ZBTB20: variants seen among roughly 807,000 people sequenced by gnomAD.
ZBTB20 encodes the protein zinc finger and BTB domain containing 20.
ZBTB20 carries 9 observed loss-of-function variants against 56.9 expected under a neutral mutation model. The observed-to-expected ratio is 0.16, with a 90% CI of 0.10 to 0.28. ZBTB20 has a LOEUF of 0.28. ZBTB20 is among the 10% of genes least tolerant of loss of function. The pLI, the probability that ZBTB20 is intolerant of heterozygous loss-of-function variation, is 1.00. For missense variants in ZBTB20, 655 were observed against 1,003.0 expected (o/e 0.65, Z 4.69); for synonymous variants, 417 against 420.7 (o/e 0.99, Z 0.11).
intron 1 of ZBTB20, among the ~76,000 whole-genome samples, chr3:115,132,170 T>A (rs2084525852): frequency 6.6e-6 from 1 of 152,246 alleles, no homozygotes; most frequent in African/African-American, 2.4e-5. Flanking sequence ...TAAACCAGTT[T>A]GTCCTTCTCT....
chr3:114,456,903 A>G, intron 7 of ZBTB20, among the ~76,000 whole-genome samples: 1 of 152,266 alleles, frequency 6.6e-6, no homozygotes, highest in Non-Finnish European at 1.5e-5. Context: ...AAACCGAAAG[A>G]AATGTCAGGC....
At chr3:114,806,966 T>C (rs564896297) in intron 4 of ZBTB20, among the ~76,000 whole-genome samples, 1 of 152,118 alleles carries the variant, frequency 6.6e-6, no homozygotes, top group South Asian at 2.1e-4. Flanking sequence ...TTCCATTCCA[T>C]TGATCTGTAT....
At chr3:114,886,806 A>T (rs1358451793) in intron 4 of ZBTB20, among the ~76,000 whole-genome samples, 1 of 152,254 alleles carries the variant, frequency 6.6e-6, no homozygotes, top group African/African-American at 2.4e-5. Context: ...GGCTACAAGT[A>T]TTCTAAAAAC....
intron 7 of ZBTB20, among the ~76,000 whole-genome samples, chr3:114,484,383 G>C (rs2041876806): frequency 6.6e-6 from 1 of 152,172 alleles, no homozygotes; most frequent in Admixed American, 6.5e-5. Context: ...AAGACAAAAG[G>C]AGAGCGAGAC....
At chr3:114,484,106 G>T (rs2109399046) in intron 7 of ZBTB20, among the ~76,000 whole-genome samples, 1 of 152,222 alleles carries the variant, frequency 6.6e-6, no homozygotes, top group African/African-American at 2.4e-5. Flanking sequence ...AGTACTGGAG[G>T]CCAAAGTTAC....
At chr3:114,546,653 T>C (rs1008411853) in intron 6 of ZBTB20, among the ~76,000 whole-genome samples, 3 of 151,812 alleles carry the variant, frequency 2.0e-5, no homozygotes, top group African/African-American at 4.8e-5. Flanking sequence ...AAACATTTAC[T>C]GAAAAAGTTG....
intron 6 of ZBTB20, among the ~76,000 whole-genome samples, chr3:114,625,982 A>G (rs1037052875): frequency 6.6e-6 from 1 of 152,196 alleles, no homozygotes; most frequent in Non-Finnish European, 1.5e-5. Context: ...GTGGAGACTG[A>G]TAACTATCAG....
At chr3:114,652,591 G>C (rs2060192068) in intron 6 of ZBTB20, among the ~76,000 whole-genome samples, 1 of 151,966 alleles carries the variant, frequency 6.6e-6, no homozygotes, top group African/African-American at 2.4e-5. Flanking sequence ...TTCCAAAGTA[G>C]AACTATATAT....
Position 114,351,030 on chromosome 3 carries a change from G to T in ZBTB20, c.1048C>A (p.Arg350Ser), listed in dbSNP as rs753166657. 1 of 1,611,870 alleles carries T rather than the reference G, an allele frequency of 6.2e-7. No individual in the cohort carries two copies. The highest frequency in any genetic ancestry group is 8.5e-7 in the Non-Finnish European group (1 of 1,179,934). Reference protein sequence around the residue: ...YGQQRVQILERNESEECTEDT... With the variant: ...YGQQRVQILESNESEECTEDT... ...TCCGTGCACTCCTCGGATTCGTTGC[G>T]TTCCAGGATCTGCACCCTTTGCTGC... Residue 350 changes from arginine to serine, a missense_variant, in exon 11 of 12, where the codon CGC becomes AGC. Physicochemically the swap from Arg to Ser is moderately radical, Grantham distance 110. Coordinates refer to ENST00000675478, the MANE Select transcript of ZBTB20 (RefSeq NM_001348800.3).
intron 6 of ZBTB20, among the ~76,000 whole-genome samples, chr3:114,629,117 A>G (rs2058796075): frequency 6.6e-6 from 1 of 152,154 alleles, no homozygotes; most frequent in Non-Finnish European, 1.5e-5. Flanking sequence ...AGTGGTTAAG[A>G]TTCAGGGCTC....
intron 4 of ZBTB20, among the ~76,000 whole-genome samples, chr3:114,834,006 A>C (rs1372633126): frequency 6.6e-6 from 1 of 152,138 alleles, no homozygotes; most frequent in African/African-American, 2.4e-5. Context: ...TTCCCAAAGC[A>C]ATCTCACTAA....
At chr3:114,902,639 A>G (rs2075166145) in intron 3 of ZBTB20, among the ~76,000 whole-genome samples, 1 of 152,266 alleles carries the variant, frequency 6.6e-6, no homozygotes, top group Admixed American at 6.5e-5. Flanking sequence ...TATGTGATCT[A>G]TTTTTTGTTA....
chr3:115,108,711 T>C (rs1431221857), intron 1 of ZBTB20, among the ~76,000 whole-genome samples: 2 of 152,166 alleles, frequency 1.3e-5, no homozygotes, highest in African/African-American at 2.4e-5. Flanking sequence ...AGTTTCCTAA[T>C]AAGACAGAAA....
chr3:114,787,362 T>C (rs796625533), intron 5 of ZBTB20, among the ~76,000 whole-genome samples: 4,167 of 71,188 alleles, frequency 0.059, 167 homozygotes, highest in South Asian at 0.12. Flanking sequence ...TATATATATA[T>C]ATATATACAC....
rs572070854 is a variant in ZBTB20, at chr3:114,900,118, T to C, written c.-417+186A>G. Among the ~76,000 whole-genome samples the C allele has an allele frequency of 5.3e-5, 8 of 152,242 alleles. No homozygotes were observed. The East Asian group carries it at 1.5e-3, about 29-fold the overall frequency. Reference sequence around the variant, plus strand: ...ATCTTAGAAATGTTTACTTGATTCTTACAATAGAATAAAATAAAATATATG... The same window carrying C: ...ATCTTAGAAATGTTTACTTGATTCTCACAATAGAATAAAATAAAATATATG... On this transcript the variant is annotated intron_variant, in intron 4 of 11. Coordinates refer to ENST00000675478, the MANE Select transcript of ZBTB20 (RefSeq NM_001348800.3).
At chr3:114,764,902 T>C (rs766748658) in intron 5 of ZBTB20, among the ~76,000 whole-genome samples, 1 of 152,156 alleles carries the variant, frequency 6.6e-6, no homozygotes, top group Non-Finnish European at 1.5e-5. Context: ...CCCAAATACA[T>C]CATTACTTAC....
chr3:115,016,023 G>A (rs1268755954), intron 2 of ZBTB20, among the ~76,000 whole-genome samples: 1 of 151,974 alleles, frequency 6.6e-6, no homozygotes, highest in Non-Finnish European at 1.5e-5. Context: ...TGACTGGCAT[G>A]AGATGGTATC....
intron 3 of ZBTB20, among the ~76,000 whole-genome samples, chr3:114,932,051 A>G (rs1256989857): frequency 6.6e-6 from 1 of 152,150 alleles, no homozygotes; most frequent in Non-Finnish European, 1.5e-5. Context: ...ATTTTTGTTG[A>G]AGTCCTAGAT....
intron 2 of ZBTB20, among the ~76,000 whole-genome samples, chr3:115,038,826 G>GA (rs1368940676): frequency 9.5e-4 from 145 of 152,144 alleles, no homozygotes; most frequent in East Asian, 3.9e-4. Flanking sequence ...TCTGCAATAT[G>GA]AAAGTGGTAA....
Sources: allele counts gnomAD v4.1 joint callset (sites outside exome capture counted in the v4.1 genomes callset), GRCh38; gene constraint gnomAD v4.1.1; transcripts MANE v1.5; gene names NCBI Gene and HGNC (gene_info 2026-07-23, HGNC 2026-07-21).